MSI2: variants seen among roughly 807,000 people sequenced by gnomAD.
MSI2 encodes RNA-binding protein Musashi homolog 2.
MSI2 carries 17 observed loss-of-function variants against 45.6 expected under a neutral mutation model. The observed-to-expected ratio is 0.37, with a 90% CI of 0.26 to 0.56. The LOEUF is 0.56. MSI2 is among the 20% of genes least tolerant of loss of function. The probability of loss-of-function intolerance (pLI) is 0.77; values close to 1 mark genes in which losing one functional copy is unlikely to be tolerated. For missense variants in MSI2, 293 were observed against 444.2 expected, an observed-to-expected ratio of 0.66 and a Z score of 3.06; for synonymous variants, 156 against 158.2, an observed-to-expected ratio of 0.99 and a Z score of 0.11.
intron 6 of MSI2, among the ~76,000 whole-genome samples, chr17:57,476,388 C>T (rs2085538376): frequency 6.6e-6 from 1 of 152,196 alleles, no homozygotes; most frequent in Admixed American, 6.5e-5. Context: ...TAGGTGGGAG[C>T]CTTCAACTAG....
At chr17:57,675,566 T>C (rs1913168908) in intron 12 of MSI2, among the ~76,000 whole-genome samples, 1 of 152,172 alleles carries the variant, frequency 6.6e-6, no homozygotes, top group Admixed American at 6.5e-5. Context: ...GACACTGTCA[T>C]GTGGGCTGGG....
At chr17:57,645,099 C>T (rs1910552389) in intron 10 of MSI2, among the ~76,000 whole-genome samples, 2 of 152,204 alleles carry the variant, frequency 1.3e-5, no homozygotes, top group Non-Finnish European at 2.9e-5. Context: ...CCAAAGCTTC[C>T]TCTAAATCAA....
chr17:57,356,433 A>G (rs920876799), intron 5 of MSI2, among the ~76,000 whole-genome samples: 3 of 152,136 alleles, frequency 2.0e-5, no homozygotes, highest in Non-Finnish European at 4.4e-5. Flanking sequence ...AGCCAAAAGC[A>G]CTCTTAGCAA....
chr17:57,701,431 G>A, the MSI2 span, among the ~76,000 whole-genome samples: 3 of 152,146 alleles, frequency 2.0e-5, no homozygotes, highest in African/African-American at 7.2e-5. Context: ...AAGCTGCCTT[G>A]CCCCTTTTCT....
chr17:57,328,930 C>T (rs572813195), intron 5 of MSI2, among the ~76,000 whole-genome samples: 9 of 151,828 alleles, frequency 5.9e-5, no homozygotes, highest in East Asian at 5.8e-4. Context: ...TTGGGGGCCC[C>T]GATAGGAATA....
At chr17:57,542,830 TG>T (rs938486911) in intron 7 of MSI2, among the ~76,000 whole-genome samples, 3 of 152,212 alleles carry the variant, frequency 2.0e-5, no homozygotes, top group African/African-American at 7.2e-5. Context: ...CTCCTTCATG[TG>T]GGGCCCTTCG....
At position 57,391,644 on chromosome 17, in the gene MSI2, C is replaced by T. The variant is rs142077423; in HGVS notation, c.313-9735C>T. On this transcript the variant is annotated intron_variant, in intron 5 of 13. Transcript: ENST00000284073. ...AGAATTCCACCCTGGGTGGGCAACT[C>T]GGGCTCCCACTGCTGGAGTGACAGG... Among the ~76,000 whole-genome samples the T allele has an allele frequency of 1.2e-4, 18 of 152,228 alleles. No individual in the cohort carries two copies. The East Asian group carries it at 2.9e-3, about 25-fold the overall frequency.
At chr17:57,343,504 T>C (rs1567769361) in intron 5 of MSI2, among the ~76,000 whole-genome samples, 1 of 152,092 alleles carries the variant, frequency 6.6e-6, no homozygotes, top group African/African-American at 2.4e-5. Context: ...TAGGGAATAA[T>C]TGTACGCATT....
chr17:57,610,118 C>T (rs1306099023), intron 8 of MSI2, among the ~76,000 whole-genome samples: 1 of 152,042 alleles, frequency 6.6e-6, no homozygotes, highest in Non-Finnish European at 1.5e-5. Context: ...AGAAAATGCC[C>T]TCATGTTTAT....
In MSI2 at chr17:57,545,406, G is replaced by A. The variant is rs147632926; in HGVS notation, c.454+15682G>A. ...CTACCATATTTATAGCTAGGAGCAC[G>A]TGCCCTTCTCAACTCCAGACATCCC... On this transcript the variant is annotated intron_variant, in intron 7 of 13. Transcript: ENST00000284073. Among the ~76,000 whole-genome samples the A allele has an allele frequency of 1.9e-4, 28 of 150,662 alleles. No individual in the cohort carries two copies. In the East Asian group the frequency reaches 4.1e-3, roughly 22 times the overall value.
At position 57,674,968 on chromosome 17, in the gene MSI2, G is replaced by C; in HGVS notation, c.791-4G>C. The C allele has an allele frequency of 6.2e-7, 1 of 1,613,004 alleles. No individual in the cohort carries two copies. The highest frequency in any genetic ancestry group is 8.5e-7 in the Non-Finnish European group (1 of 1,179,564). On this transcript the variant is annotated splice_region_variant and splice_polypyrimidine_tract_variant and intron_variant, in intron 11 of 13. Transcript: ENST00000284073. ...GAATTTTGGCGCGCCCGCTTCCCCG[G>C]CAGGCTCCAACCCGGCGCGGCCCGG...
At chr17:57,520,154 T>G (rs866228601) in intron 6 of MSI2, among the ~76,000 whole-genome samples, 1 of 152,362 alleles carries the variant, frequency 6.6e-6, no homozygotes, top group Middle Eastern at 3.4e-3. Flanking sequence ...AATTGCCTAT[T>G]ACGCTCCAGT....
At chr17:57,396,884 G>C (rs1361160128) in intron 5 of MSI2, among the ~76,000 whole-genome samples, 1 of 152,358 alleles carries the variant, frequency 6.6e-6, no homozygotes, top group Middle Eastern at 3.4e-3. Flanking sequence ...CCTGCTGGGA[G>C]AGGGGGCTGT....
intron 7 of MSI2, among the ~76,000 whole-genome samples, chr17:57,593,904 C>T (rs942928901): frequency 1.3e-5 from 2 of 152,116 alleles, no homozygotes; most frequent in African/African-American, 4.8e-5. Context: ...CTGACTCGTG[C>T]CTGTTCGTGA....
chr17:57,321,288 T>A (rs1024367674), intron 5 of MSI2, among the ~76,000 whole-genome samples: 3 of 151,990 alleles, frequency 2.0e-5, no homozygotes, highest in Admixed American at 2.0e-4. Context: ...CCGTTGTTAC[T>A]GTGCACCACC....
At chr17:57,488,924 A>C (rs1324068193) in intron 6 of MSI2, among the ~76,000 whole-genome samples, 1 of 151,998 alleles carries the variant, frequency 6.6e-6, no homozygotes, top group African/African-American at 2.4e-5. Flanking sequence ...GCTGGCAGAG[A>C]GCTCCAAAGT....
chr17:57,309,051 C>T (rs1226895094), intron 5 of MSI2, among the ~76,000 whole-genome samples: 1 of 152,172 alleles, frequency 6.6e-6, no homozygotes, highest in Non-Finnish European at 1.5e-5. Flanking sequence ...GCTATTAGCT[C>T]ATGTGATCCT....
At chr17:57,593,370 C>T (rs768541727) in intron 7 of MSI2, among the ~76,000 whole-genome samples, 4 of 152,156 alleles carry the variant, frequency 2.6e-5, no homozygotes, top group Non-Finnish European at 5.9e-5. Flanking sequence ...GCTGCACTCC[C>T]CCAAGAGGTT....
chr17:57,619,016 G>A (rs1397757247), intron 9 of MSI2, among the ~76,000 whole-genome samples: 1 of 152,198 alleles, frequency 6.6e-6, no homozygotes, highest in African/African-American at 2.4e-5. Flanking sequence ...ACCTTTCTGA[G>A]TCTAACTTGG....
Sources: gnomAD v4.1 joint callset for allele counts (sites outside exome capture counted in the v4.1 genomes callset) on GRCh38, gnomAD v4.1.1 for gene constraint, MANE v1.5 for transcripts, NCBI Gene and HGNC (gene_info 2026-07-23, HGNC 2026-07-21) for gene names.